Variants in AKAP13 observed in about 807,000 individuals in gnomAD.
The protein encoded by AKAP13 is A-kinase anchoring protein 13, also known as A-kinase anchor protein 13.
Under a neutral mutation model 264.5 loss-of-function variants are expected in AKAP13, and 80 were observed. The ratio of observed to expected loss-of-function variants is 0.30; its 90% CI spans 0.25 to 0.36. The LOEUF (loss-of-function observed/expected upper bound fraction) is 0.36, where lower values mean the gene tolerates loss of function less well. AKAP13 is among the 10% of genes least tolerant of loss of function. The pLI, the probability that AKAP13 is intolerant of heterozygous loss-of-function variation, is 1.00. For synonymous variants in AKAP13, 1,380 were observed against 1,250.2 expected (o/e 1.10, Z -2.19); for missense variants, 3,712 against 3,435.2 (o/e 1.08, Z -2.01).
At chr15:85,406,705 T>C (rs1254765002) in intron 1 of AKAP13, among the ~76,000 whole-genome samples, 1 of 151,728 alleles carries the variant, frequency 6.6e-6, no homozygotes, top group Non-Finnish European at 1.5e-5. Flanking sequence ...TTAGGAGACA[T>C]GAATTGGCTA....
intron 1 of AKAP13, among the ~76,000 whole-genome samples, chr15:85,471,727 A>G (rs768840902): frequency 6.6e-5 from 10 of 152,170 alleles, no homozygotes; most frequent in Non-Finnish European, 8.8e-5. Flanking sequence ...TTGTGTCACT[A>G]CTTTTGCCTT....
chr15:85,676,965 C>T (rs2084262553), intron 14 of AKAP13: 1 of 985,366 alleles, frequency 1.0e-6, no homozygotes. Flanking sequence ...TTCTGTGAAC[C>T]TCCTTCTCAG....
At chr15:85,662,914 T>G (rs1322458438) in intron 12 of AKAP13, among the ~76,000 whole-genome samples, 1 of 152,208 alleles carries the variant, frequency 6.6e-6, no homozygotes, top group Admixed American at 6.5e-5. Flanking sequence ...TACTAAAACA[T>G]TTTCAGAATT....
chr15:85,729,432 C>T (rs1567217982), intron 29 of AKAP13, among the ~76,000 whole-genome samples: 1 of 152,126 alleles, frequency 6.6e-6, no homozygotes, highest in Admixed American at 6.5e-5. Context: ...AGAGATTCCA[C>T]ACTAAAGGGA....
In AKAP13 at chr15:85,658,603, T is replaced by C; in HGVS notation, c.4799+13T>C. ...TTCATAGGAGAAGGTACAGAGTTCA[T>C]TAACTTGATGGACTAACCATGTCAC... On this transcript the variant is annotated intron_variant, in intron 12 of 36. Transcript: ENST00000394518. The C allele has an allele frequency of 1.2e-6, 2 of 1,611,198 alleles. No individual in the cohort carries two copies. The highest frequency in any genetic ancestry group is 1.7e-6 in the Non-Finnish European group (2 of 1,177,672).
intron 30 of AKAP13, among the ~76,000 whole-genome samples, chr15:85,732,684 A>G (rs1341677848): frequency 6.7e-6 from 1 of 150,220 alleles, no homozygotes; most frequent in African/African-American, 2.4e-5. Context: ...GAATTCGAAT[A>G]TTATATATTT....
At chr15:85,402,077 C>T (rs1217347969) in intron 1 of AKAP13, among the ~76,000 whole-genome samples, 1 of 152,144 alleles carries the variant, frequency 6.6e-6, no homozygotes, top group Non-Finnish European at 1.5e-5. Flanking sequence ...CTCAATTCTC[C>T]CATCAAAAAT....
In AKAP13 at chr15:85,581,352, A is replaced by G. The variant is rs2079139777; in HGVS notation, c.3284A>G (p.Asn1095Ser). The G allele has an allele frequency of 2.5e-6, 4 of 1,614,092 alleles. No homozygotes were observed. The African/African-American group carries it at 5.3e-5, about 22-fold the overall frequency. ...GDVTVDVTGV[N>S]ALQGMAEPRR... ...GTGACGGTGGATGTTACAGGGGTTA[A>G]TGCTCTACAAGGTATGGCTGAGCCC... The change falls in exon 7 of 37, where the codon AAT (asparagine) becomes AGT (serine). Residue 1095 changes from asparagine to serine, a missense_variant. Physicochemically the swap from Asn to Ser is conservative, Grantham distance 46 (BLOSUM62 1). This residue lies in a region of AKAP13 where 2,759 missense variants were observed against 2,411.7 expected (regional missense o/e 1.14). Coordinates refer to ENST00000394518, the MANE Select transcript of AKAP13 (RefSeq NM_007200.5).
intron 8 of AKAP13, among the ~76,000 whole-genome samples, chr15:85,609,369 G>A (rs1448229684): frequency 2.0e-5 from 3 of 152,122 alleles, no homozygotes; most frequent in Non-Finnish European, 4.4e-5. Context: ...TCTTATGGTG[G>A]TTGTCTTTCT....
At chr15:85,471,607 C>T (rs777759726) in intron 1 of AKAP13, among the ~76,000 whole-genome samples, 2 of 152,228 alleles carry the variant, frequency 1.3e-5, no homozygotes, top group African/African-American at 2.4e-5. Flanking sequence ...TAACTGCGTA[C>T]GTAACCACCA....
chr15:85,724,805 C>G lies in AKAP13; in HGVS notation c.6745+1485C>G, dbSNP rs930928566. Among the ~76,000 whole-genome samples, 1 of 151,892 alleles carries G rather than the reference C, an allele frequency of 6.6e-6. No homozygotes were observed. The highest frequency in any genetic ancestry group is 2.4e-5 in the African/African-American group (1 of 41,320). ...TGCAGTGCTTTGGGGAAGAGCTCAT[C>G]TGGGCCTGCATTGTAGCAGAAGGCA... On this transcript the variant is annotated intron_variant, in intron 26 of 36. Coordinates refer to ENST00000394518, the MANE Select transcript of AKAP13 (RefSeq NM_007200.5). This position sits in a 1 kb window ranked among gnomAD's most constrained non-coding sequence, Gnocchi z 4.2.
chr15:85,699,649 T>C (rs1027158523), intron 17 of AKAP13, among the ~76,000 whole-genome samples: 18 of 152,208 alleles, frequency 1.2e-4, no homozygotes, highest in Admixed American at 1.3e-4. Flanking sequence ...CCACTGATAG[T>C]TTCAAAGGTT....
intron 1 of AKAP13, among the ~76,000 whole-genome samples, chr15:85,426,481 A>C (rs563154617): frequency 4.7e-5 from 7 of 149,776 alleles, no homozygotes; most frequent in Non-Finnish European, 1.0e-4. Context: ...TCTGTGGATA[A>C]GTTTTTGTTT....
chr15:85,398,768 C>A lies in AKAP13; in HGVS notation c.-12+17970C>A, dbSNP rs147388387. On this transcript the variant is annotated intron_variant, in intron 1 of 36. Transcript: ENST00000394518. ...ATGGGGTTTCACCATGTTGGCCAGG[C>A]TGGTCTTGAACTCCTGACCTCAAGT... is the stretch of plus-strand genomic sequence containing the variant. 4.5e-4 allele frequency among the ~76,000 whole-genome samples: 69 copies of A among 152,294 alleles called. No homozygotes were observed. In the East Asian group the frequency reaches 0.013, roughly 29 times the overall value.
chr15:85,622,698 G>A (rs1382537), intron 8 of AKAP13, among the ~76,000 whole-genome samples: 5 of 151,578 alleles, frequency 3.3e-5, no homozygotes, highest in South Asian at 4.2e-4. Flanking sequence ...CTCATTTTAC[G>A]TACAGGAAAA....
At chr15:85,442,402 T>G (rs1398840577) in intron 1 of AKAP13, among the ~76,000 whole-genome samples, 13 of 84,190 alleles carry the variant, frequency 1.5e-4, no homozygotes, top group Non-Finnish European at 3.0e-4. Flanking sequence ...AGAGCAAGAT[T>G]CTGTCTCAAA....
intron 1 of AKAP13, among the ~76,000 whole-genome samples, chr15:85,441,021 G>T (rs66667246): frequency 0.054 from 8,161 of 152,184 alleles, 493 homozygotes; most frequent in African/African-American, 0.15. Context: ...TCATTCGAAG[G>T]TTTACACATT....
At chr15:85,567,676 T>C (rs1339378606) in intron 5 of AKAP13, among the ~76,000 whole-genome samples, 1 of 152,178 alleles carries the variant, frequency 6.6e-6, no homozygotes, top group South Asian at 2.1e-4. Context: ...TTCTGCTTTG[T>C]GATGCTGTTG....
chr15:85,444,763 C>G (rs971617801), intron 1 of AKAP13, among the ~76,000 whole-genome samples: 1 of 152,130 alleles, frequency 6.6e-6, no homozygotes, highest in Non-Finnish European at 1.5e-5. Context: ...GCAGCCCTTC[C>G]TGGTGAATTA....
Sources: gnomAD v4.1 joint callset for allele counts (sites outside exome capture counted in the v4.1 genomes callset) on GRCh38, gnomAD v4.1.1 for gene constraint, gnomAD v4.1.1 regional missense constraint, Gnocchi (gnomAD v3.1) non-coding constraint, MANE v1.5 for transcripts, NCBI Gene and HGNC (gene_info 2026-07-23, HGNC 2026-07-21) for gene names.